Variants in SPATA17 observed in about 807,000 individuals in gnomAD.
SPATA17 encodes the protein spermatogenesis-associated protein 17.
In SPATA17, 53 loss-of-function variants were observed where a neutral mutation model predicts 62.2. The observed-to-expected ratio is 0.85, with a 90% CI of 0.68 to 1.07. The LOEUF (loss-of-function observed/expected upper bound fraction) is 1.07, where lower values mean the gene tolerates loss of function less well. Ranked by LOEUF, SPATA17 falls within the 50% of genes least tolerant of loss-of-function variation. The pLI, the probability that SPATA17 is intolerant of heterozygous loss-of-function variation, is 0.00. For synonymous variants in SPATA17, 146 were observed against 146.8 expected (o/e 0.99, Z 0.04); for missense variants, 466 against 425.5 (o/e 1.10, Z -0.84).
intron 5 of SPATA17, among the ~76,000 whole-genome samples, chr1:217,733,501 A>C (rs935366933): frequency 6.6e-6 from 1 of 152,220 alleles, no homozygotes; most frequent in Non-Finnish European, 1.5e-5. Flanking sequence ...CCCTGAACTT[A>C]AGCACTACGT....
chr1:217,761,655 A>C (rs377427563), intron 6 of SPATA17, among the ~76,000 whole-genome samples: 323 of 152,290 alleles, frequency 2.1e-3, no homozygotes, highest in African/African-American at 7.4e-3. Flanking sequence ...GGGCGTTAAT[A>C]GAGTTTAGAG....
chr1:217,808,690 A>G (rs1001478709), intron 9 of SPATA17, among the ~76,000 whole-genome samples: 2 of 152,012 alleles, frequency 1.3e-5, no homozygotes, highest in Admixed American at 6.6e-5. Context: ...TGTCTCTACT[A>G]AAAATACAAA....
At chr1:217,795,659 C>T (rs975954023) in intron 8 of SPATA17, among the ~76,000 whole-genome samples, 4 of 151,612 alleles carry the variant, frequency 2.6e-5, no homozygotes, top group South Asian at 4.2e-4. Flanking sequence ...CATGAGCCAC[C>T]GCCCCCAGTG....
chr1:217,704,068 A>G (rs1045151606), intron 5 of SPATA17, among the ~76,000 whole-genome samples: 2 of 145,340 alleles, frequency 1.4e-5, no homozygotes, highest in African/African-American at 5.2e-5. Flanking sequence ...TTTCTTGTGT[A>G]TTTTTAAAAC....
At chr1:217,645,154 T>G (rs1483875415) in intron 1 of SPATA17, among the ~76,000 whole-genome samples, 1 of 152,102 alleles carries the variant, frequency 6.6e-6, no homozygotes, top group Admixed American at 6.6e-5. Flanking sequence ...ACTAGTTAAT[T>G]TTTAGTGCCT....
At chr1:217,731,155 T>C (rs1045905207) in intron 5 of SPATA17, among the ~76,000 whole-genome samples, 6 of 152,272 alleles carry the variant, frequency 3.9e-5, no homozygotes, top group Non-Finnish European at 7.4e-5. Context: ...GTGTACTCTA[T>C]TTGACCTTAA....
At chr1:217,842,124 GT>G (rs1021660902) in intron 9 of SPATA17, among the ~76,000 whole-genome samples, 11 of 151,690 alleles carry the variant, frequency 7.3e-5, no homozygotes, top group East Asian at 5.8e-4. Context: ...GAATTATGCT[GT>G]TTTTTTAAAT....
chr1:217,866,464 T>TAG (rs1676012369), intron 10 of SPATA17: 3 of 152,222 alleles, frequency 2.0e-5, no homozygotes, highest in African/African-American at 4.8e-5. Flanking sequence ...TTTGTTTGTT[T>TAG]TTGTTTTTTT....
chr1:217,770,844 G>C (rs1350782417), intron 6 of SPATA17, among the ~76,000 whole-genome samples: 1 of 151,946 alleles, frequency 6.6e-6, no homozygotes, highest in African/African-American at 2.4e-5. Flanking sequence ...AGGGGTGACT[G>C]GGTAACAAAT....
At chr1:217,796,375 A>T (rs1280098456) in intron 8 of SPATA17, among the ~76,000 whole-genome samples, 7 of 151,784 alleles carry the variant, frequency 4.6e-5, no homozygotes, top group Non-Finnish European at 1.0e-4. Context: ...GAGATTGTTA[A>T]TAATAATAAT....
At chr1:217,718,528 G>A (rs141220973) in intron 5 of SPATA17, among the ~76,000 whole-genome samples, 37 of 152,304 alleles carry the variant, frequency 2.4e-4, no homozygotes, top group African/African-American at 8.7e-4. Context: ...GACTGATAGT[G>A]ACCCAGGAAC....
chr1:217,751,511 G>C (rs569723533), intron 6 of SPATA17, among the ~76,000 whole-genome samples: 1 of 152,300 alleles, frequency 6.6e-6, no homozygotes, highest in Admixed American at 6.5e-5. Context: ...TCTCTGTGCA[G>C]AAAGGCCAAG....
chr1:217,796,187 G>A (rs972927705), intron 8 of SPATA17, among the ~76,000 whole-genome samples: 1 of 151,982 alleles, frequency 6.6e-6, no homozygotes, highest in African/African-American at 2.4e-5. Flanking sequence ...TGATGTAAAT[G>A]GCCTAAAAGA....
intron 1 of SPATA17, among the ~76,000 whole-genome samples, chr1:217,638,785 A>G (rs535033926): frequency 1.3e-5 from 2 of 152,202 alleles, no homozygotes; most frequent in Non-Finnish European, 2.9e-5. Context: ...CTAGAGGAAA[A>G]AAATACTGTA....
chr1:217,721,233 A>G (rs1558579397), intron 5 of SPATA17, among the ~76,000 whole-genome samples: 1 of 152,194 alleles, frequency 6.6e-6, no homozygotes. Context: ...AATCTTTTAA[A>G]TAAGTGGATC....
chr1:217,772,918 A>G (rs1673487644), intron 6 of SPATA17, among the ~76,000 whole-genome samples: 1 of 152,182 alleles, frequency 6.6e-6, no homozygotes. Context: ...CGTTTGGGAT[A>G]GGATGTTGCA....
At chr1:217,827,920 G>A (rs1675039483) in intron 9 of SPATA17, among the ~76,000 whole-genome samples, 1 of 152,068 alleles carries the variant, frequency 6.6e-6, no homozygotes, top group South Asian at 2.1e-4. Context: ...AGGGAAAAAA[G>A]CTAATGCATG....
At chr1:217,850,773 A>G (rs1002431198) in intron 9 of SPATA17, 28 of 583,580 alleles carry the variant, frequency 4.8e-5, no homozygotes, top group African/African-American at 1.9e-5. Flanking sequence ...ATTTTTATGT[A>G]TATTTGAATG....
At chr1:217,819,395 C>T (rs892260018) in intron 9 of SPATA17, among the ~76,000 whole-genome samples, 2 of 151,760 alleles carry the variant, frequency 1.3e-5, no homozygotes, top group East Asian at 3.9e-4. Flanking sequence ...TTCCTTCTTT[C>T]ATTTCTGACT....
Sources: allele counts gnomAD v4.1 joint callset (sites outside exome capture counted in the v4.1 genomes callset), GRCh38; gene constraint gnomAD v4.1.1; transcripts MANE v1.5; gene names NCBI Gene and HGNC (gene_info 2026-07-23, HGNC 2026-07-21).